The following METTL15 variants were observed in gnomAD, a reference collection of about 807,000 sequenced individuals.
The protein encoded by METTL15 is 12S rRNA N(4)-cytidine methyltransferase METTL15.
Under a neutral mutation model 38.3 loss-of-function variants are expected in METTL15, and 34 were observed. The ratio of observed to expected loss-of-function variants is 0.89; its 90% CI spans 0.68 to 1.18. METTL15 has a LOEUF of 1.18. METTL15 is among the 50% of genes most tolerant of loss of function. The probability of loss-of-function intolerance (pLI) is 0.00; values close to 1 mark genes in which losing one functional copy is unlikely to be tolerated. For missense variants in METTL15, 438 were observed against 498.4 expected (o/e 0.88, Z 1.15); for synonymous variants, 162 against 170.9 (o/e 0.95, Z 0.41).
chr11:28,494,005 G>A (rs1851517089), intron 6 of METTL15, among the ~76,000 whole-genome samples: 1 of 152,206 alleles, frequency 6.6e-6, no homozygotes. Context: ...AAAGAACACT[G>A]GCCTTGGAGC....
intron 5 of METTL15, among the ~76,000 whole-genome samples, chr11:28,379,379 G>C (rs902263765): frequency 2.0e-5 from 3 of 151,890 alleles, no homozygotes; most frequent in African/African-American, 4.8e-5. Flanking sequence ...ATCATTTGCT[G>C]TATCCCATAG....
chr11:28,526,113 T>A (rs1345450821), intron 6 of METTL15, among the ~76,000 whole-genome samples: 1 of 152,118 alleles, frequency 6.6e-6, no homozygotes, highest in East Asian at 1.9e-4. Flanking sequence ...CATCTGGAGC[T>A]CCAGCTGGCC....
chr11:28,517,439 C>A (rs1230151746), intron 6 of METTL15: 2 of 152,082 alleles, frequency 1.3e-5, no homozygotes, highest in Non-Finnish European at 2.9e-5. Context: ...CCCTGTTTTA[C>A]CTATAAAGAA....
chr11:28,393,333 T>C (rs751068499), intron 5 of METTL15, among the ~76,000 whole-genome samples: 4 of 152,118 alleles, frequency 2.6e-5, no homozygotes, highest in Non-Finnish European at 5.9e-5. Flanking sequence ...TACAATGAAA[T>C]ATTTAGTCTT....
intron 6 of METTL15, among the ~76,000 whole-genome samples, chr11:28,444,823 T>C (rs1168525777): frequency 6.6e-6 from 1 of 152,192 alleles, no homozygotes; most frequent in Non-Finnish European, 1.5e-5. Context: ...GGAAATAAAC[T>C]GTAAGCAAGG....
chr11:28,186,621 T>C (rs1851503702), intron 3 of METTL15, among the ~76,000 whole-genome samples: 1 of 151,088 alleles, frequency 6.6e-6, no homozygotes, highest in Non-Finnish European at 1.5e-5. Flanking sequence ...TAGGTGAAAA[T>C]AGTGAAGGTT....
downstream of METTL15, among the ~76,000 whole-genome samples, chr11:28,336,389 T>A (rs982410840): frequency 1.3e-5 from 2 of 152,080 alleles, no homozygotes; most frequent in African/African-American, 4.8e-5. Flanking sequence ...AAATACATAT[T>A]GAGGGGGAAA....
intron 4 of METTL15, among the ~76,000 whole-genome samples, chr11:28,224,751 G>A (rs910543938): frequency 1.2e-4 from 18 of 151,750 alleles, no homozygotes; most frequent in African/African-American, 1.9e-4. Context: ...AATAAATAGC[G>A]AATATCTGAT....
At chr11:28,129,456 C>G (rs1852659160) in intron 3 of METTL15, among the ~76,000 whole-genome samples, 1 of 150,348 alleles carries the variant, frequency 6.7e-6, no homozygotes, top group Admixed American at 6.6e-5. Context: ...CTTGCCTAGG[C>G]TGGAGTGCAG....
chr11:28,342,157 C>T (rs2133355172), intron 3 of METTL15, among the ~76,000 whole-genome samples: 1 of 152,334 alleles, frequency 6.6e-6, no homozygotes, highest in South Asian at 2.1e-4. Flanking sequence ...TTCCTGGGAG[C>T]ATTCACATTC....
At chr11:28,517,990 C>A (rs1223573678) in intron 6 of METTL15, among the ~76,000 whole-genome samples, 1 of 152,206 alleles carries the variant, frequency 6.6e-6, no homozygotes, top group Non-Finnish European at 1.5e-5. Context: ...ACACATTCCT[C>A]ATCTCCTATT....
intron 4 of METTL15, among the ~76,000 whole-genome samples, chr11:28,259,162 A>G (rs1005907876): frequency 6.6e-6 from 1 of 152,202 alleles, no homozygotes; most frequent in African/African-American, 2.4e-5. Context: ...CACCGTGTCT[A>G]GAAATGTCAT....
At chr11:28,424,121 T>A (rs1292175850) in intron 5 of METTL15, among the ~76,000 whole-genome samples, 2 of 152,186 alleles carry the variant, frequency 1.3e-5, no homozygotes, top group Non-Finnish European at 2.9e-5. Context: ...TCTGCATTTG[T>A]CATTTTCGTA....
chr11:28,254,698 G>A (rs573547074), intron 4 of METTL15, among the ~76,000 whole-genome samples: 2 of 152,106 alleles, frequency 1.3e-5, no homozygotes, highest in South Asian at 4.2e-4. Flanking sequence ...TTCCGCAAAT[G>A]GATATACAGT....
chr11:28,319,155 A>G (rs1849373574), intron 6 of METTL15, among the ~76,000 whole-genome samples: 1 of 152,182 alleles, frequency 6.6e-6, no homozygotes, highest in Non-Finnish European at 1.5e-5. Flanking sequence ...TTTGGCTTCC[A>G]TTAAAACATC....
At chr11:28,375,275 A>G (rs10767717) in intron 5 of METTL15, among the ~76,000 whole-genome samples, 132,741 of 133,772 alleles carry the variant, frequency 0.99, 65,872 homozygotes, top group Middle Eastern at 1. Flanking sequence ...GGTAGAATTC[A>G]GCTGTGAATC....
intron 3 of METTL15, among the ~76,000 whole-genome samples, chr11:28,141,236 C>T (rs969947077): frequency 1.3e-5 from 2 of 152,118 alleles, no homozygotes; most frequent in African/African-American, 4.8e-5. Context: ...AAACTGTCTT[C>T]ATGTGCTGAG....
At chr11:28,404,777 T>C (rs894179067) in intron 5 of METTL15, among the ~76,000 whole-genome samples, 1 of 152,112 alleles carries the variant, frequency 6.6e-6, no homozygotes, top group Non-Finnish European at 1.5e-5. Flanking sequence ...GCAAGGCCCC[T>C]GATCCTTGGA....
intron 4 of METTL15, among the ~76,000 whole-genome samples, chr11:28,356,525 A>G (rs1300315682): frequency 6.6e-6 from 1 of 152,016 alleles, no homozygotes; most frequent in African/African-American, 2.4e-5. Context: ...GCAAATGAAA[A>G]CTCTCTGCAG....
Sources: gnomAD v4.1 joint callset for allele counts (sites outside exome capture counted in the v4.1 genomes callset) on GRCh38, gnomAD v4.1.1 for gene constraint, MANE v1.5 for transcripts, NCBI Gene and HGNC (gene_info 2026-07-23, HGNC 2026-07-21) for gene names.